Variants in FGF14 observed in about 807,000 individuals in gnomAD.
FGF14 encodes fibroblast growth factor homologous factor 4.
FGF14 carries 5 observed loss-of-function variants against 25.5 expected under a neutral mutation model. The ratio of observed to expected loss-of-function variants is 0.20; its 90% confidence interval spans 0.10 to 0.41. FGF14 has a LOEUF of 0.41. FGF14 is among the 10% of genes least tolerant of loss of function. The pLI is 1.00. For synonymous variants in FGF14, 138 were observed against 118.3 expected (o/e 1.17, Z -1.08); for missense variants, 222 against 320.1 (o/e 0.69, Z 2.34).
rs530262330 is a variant in FGF14, at chr13:102,289,629, C to A, written c.208+111842G>T. Among the ~76,000 whole-genome samples the A allele has an allele frequency of 9.9e-5, 15 of 152,180 alleles. No individual in the cohort carries two copies. In the South Asian group the frequency reaches 2.5e-3, roughly 25 times the overall value. On this transcript the variant is annotated intron_variant, in intron 1 of 4. Coordinates refer to the FGF14 transcript ENST00000376131. ...TTTCAGTCTTAGCTTGAGGGTTGTACGAAAACCAGTAGGAGGTAGGTTCAG... is the reference window on the plus strand; with the variant it reads ...TTTCAGTCTTAGCTTGAGGGTTGTAAGAAAACCAGTAGGAGGTAGGTTCAG...
chr13:102,053,261 C>G (rs1598754), intron 1 of FGF14, among the ~76,000 whole-genome samples: 82,766 of 151,824 alleles, frequency 0.55, 25,720 homozygotes, highest in African/African-American at 0.84. Context: ...GTGGCTGAAG[C>G]AATAAGGAAA....
At chr13:102,224,418 C>T (rs1411609818) in intron 1 of FGF14, among the ~76,000 whole-genome samples, 1 of 152,058 alleles carries the variant, frequency 6.6e-6, no homozygotes, top group African/African-American at 2.4e-5. Flanking sequence ...ACCGTGTGCT[C>T]AGGGTTATAG....
At chr13:101,810,630 G>A (rs2140178095) in intron 3 of FGF14, among the ~76,000 whole-genome samples, 1 of 152,300 alleles carries the variant, frequency 6.6e-6, no homozygotes, top group South Asian at 2.1e-4. Context: ...CCTTTGTGCA[G>A]TCTCTGTCTT....
At chr13:102,332,218 AG>A (rs36046216) in intron 1 of FGF14, among the ~76,000 whole-genome samples, 1 of 152,308 alleles carries the variant, frequency 6.6e-6, no homozygotes, top group East Asian at 1.9e-4. Context: ...GAGCTGTGGT[AG>A]GACAGTGGAT....
intron 1 of FGF14, among the ~76,000 whole-genome samples, chr13:102,158,628 A>T (rs9554848): frequency 0.064 from 9,772 of 151,752 alleles, 933 homozygotes; most frequent in East Asian, 0.49. Flanking sequence ...TACGTAACAG[A>T]CCTGCACATT....
At chr13:102,331,790 C>CA (rs1458356236) in intron 1 of FGF14, among the ~76,000 whole-genome samples, 2 of 152,242 alleles carry the variant, frequency 1.3e-5, no homozygotes, top group Non-Finnish European at 2.9e-5. Flanking sequence ...GGTAGTATAG[C>CA]ATCCTTACAA....
intron 1 of FGF14, among the ~76,000 whole-genome samples, chr13:102,223,986 G>T (rs2050726220): frequency 6.6e-6 from 1 of 152,080 alleles, no homozygotes; most frequent in Non-Finnish European, 1.5e-5. Context: ...TAATCAGGAT[G>T]GTGAGAGATA....
At chr13:101,815,447 G>A (rs2041793391) in intron 3 of FGF14, among the ~76,000 whole-genome samples, 1 of 152,144 alleles carries the variant, frequency 6.6e-6, no homozygotes, top group Non-Finnish European at 1.5e-5. Flanking sequence ...TGCCTGCCTG[G>A]AATTCTTTCA....
At chr13:101,843,505 A>G (rs1296151825) in intron 3 of FGF14, among the ~76,000 whole-genome samples, 2 of 151,972 alleles carry the variant, frequency 1.3e-5, no homozygotes, top group Non-Finnish European at 2.9e-5. Flanking sequence ...TCAAGTCCAT[A>G]TGTATGGTTG....
chr13:101,860,413 A>G (rs1414987786), intron 3 of FGF14, among the ~76,000 whole-genome samples: 1 of 152,042 alleles, frequency 6.6e-6, no homozygotes, highest in Non-Finnish European at 1.5e-5. Context: ...GCTTACTCCT[A>G]GTTCAAGCCC....
chr13:102,154,789 G>C (rs1323100274), intron 1 of FGF14, among the ~76,000 whole-genome samples: 2 of 151,676 alleles, frequency 1.3e-5, no homozygotes, highest in African/African-American at 2.4e-5. Context: ...ATGCAGACAC[G>C]CATAGGCTCA....
chr13:102,047,530 G>A (rs2042038482), intron 1 of FGF14, among the ~76,000 whole-genome samples: 1 of 152,096 alleles, frequency 6.6e-6, no homozygotes, highest in South Asian at 2.1e-4. Context: ...TCCTTTGCAG[G>A]GACATGGATG....
At chr13:101,985,290 A>G (rs1258536568) in intron 1 of FGF14, among the ~76,000 whole-genome samples, 1 of 152,098 alleles carries the variant, frequency 6.6e-6, no homozygotes, top group Non-Finnish European at 1.5e-5. Flanking sequence ...AACTGACTGA[A>G]TTTCCATATG....
chr13:101,769,855 TA>T (rs1293099822), intron 3 of FGF14, among the ~76,000 whole-genome samples: 5 of 152,230 alleles, frequency 3.3e-5, no homozygotes, highest in African/African-American at 1.2e-4. Context: ...GCAGTGAAAA[TA>T]CTCTGTATGA....
At chr13:101,731,652 G>T (rs1379752686) in intron 3 of FGF14, among the ~76,000 whole-genome samples, 1 of 152,140 alleles carries the variant, frequency 6.6e-6, no homozygotes, top group Non-Finnish European at 1.5e-5. Flanking sequence ...AGAGACTTCT[G>T]GTTGGAAGGA....
chr13:101,961,913 C>T (rs1282630511), intron 1 of FGF14, among the ~76,000 whole-genome samples: 2 of 152,054 alleles, frequency 1.3e-5, no homozygotes, highest in Admixed American at 6.6e-5. Flanking sequence ...TGGACTAATA[C>T]AGTCTATGTA....
intron 1 of FGF14, among the ~76,000 whole-genome samples, chr13:102,034,320 A>T (rs2041364570): frequency 6.6e-6 from 1 of 152,176 alleles, no homozygotes. Context: ...TGGAGAGAAC[A>T]ATGAATGAGA....
intron 3 of FGF14, among the ~76,000 whole-genome samples, chr13:101,800,645 T>A (rs1044801675): frequency 5.9e-5 from 9 of 152,218 alleles, no homozygotes; most frequent in Admixed American, 5.9e-4. Flanking sequence ...CTATGTTCTG[T>A]GTGTCCAGAC....
chr13:102,306,941 G>A (rs1020497919), intron 1 of FGF14, among the ~76,000 whole-genome samples: 4 of 152,084 alleles, frequency 2.6e-5, no homozygotes, highest in African/African-American at 9.7e-5. Context: ...TGCTGCAGAA[G>A]TGATTAAGGG....
Sources: allele counts gnomAD v4.1 joint callset (sites outside exome capture counted in the v4.1 genomes callset), GRCh38; gene constraint gnomAD v4.1.1; transcripts MANE v1.5; gene names NCBI Gene and HGNC (gene_info 2026-07-23, HGNC 2026-07-21).